CDH13: variants seen among roughly 807,000 people sequenced by gnomAD.
CDH13 encodes the protein cadherin-13.
A neutral mutation model predicts 63.8 loss-of-function variants in CDH13; 24 were observed. That is an observed-to-expected ratio of 0.38 (90% CI 0.27 to 0.53). The LOEUF (loss-of-function observed/expected upper bound fraction) is 0.53. Ranked by LOEUF, CDH13 falls within the 20% of genes least tolerant of loss-of-function variation. CDH13 has a pLI of 0.85. For missense variants in CDH13, 1,049 were observed against 903.1 expected (o/e 1.16, Z -2.07); for synonymous variants, 503 against 355.3 (o/e 1.42, Z -4.67).
intron 1 of CDH13, among the ~76,000 whole-genome samples, chr16:82,819,600 A>T (rs2037899449): frequency 6.6e-6 from 1 of 152,160 alleles, no homozygotes; most frequent in Non-Finnish European, 1.5e-5. Flanking sequence ...TGGGAGACAG[A>T]GGAAATTAAG....
At chr16:82,984,537 G>T (rs1910694383) in intron 2 of CDH13, among the ~76,000 whole-genome samples, 1 of 152,162 alleles carries the variant, frequency 6.6e-6, no homozygotes, top group Admixed American at 6.5e-5. Context: ...ATTATCAAGT[G>T]GGATAATGAT....
chr16:83,141,648 C>T (rs2036534267), intron 4 of CDH13, among the ~76,000 whole-genome samples: 1 of 152,110 alleles, frequency 6.6e-6, no homozygotes, highest in Non-Finnish European at 1.5e-5. Flanking sequence ...AGGTATTTGT[C>T]CTAATGCTCT....
At chr16:83,012,659 T>G (rs563504053) in intron 2 of CDH13, among the ~76,000 whole-genome samples, 1 of 152,320 alleles carries the variant, frequency 6.6e-6, no homozygotes, top group East Asian at 1.9e-4. Flanking sequence ...GCACCCGAAC[T>G]TGATCTAAGC....
At chr16:83,562,428 C>T (rs2075725473) in intron 7 of CDH13, among the ~76,000 whole-genome samples, 1 of 152,214 alleles carries the variant, frequency 6.6e-6, no homozygotes, top group South Asian at 2.1e-4. Context: ...GCAATTGTCT[C>T]AATCGGATTC....
At chr16:82,899,320 G>A (rs2041378446) in intron 2 of CDH13, among the ~76,000 whole-genome samples, 1 of 152,174 alleles carries the variant, frequency 6.6e-6, no homozygotes, top group African/African-American at 2.4e-5. Context: ...ATTTCTTGGT[G>A]TTTAAGAGAT....
At chr16:82,856,894 C>G (rs1026589261) in intron 1 of CDH13, among the ~76,000 whole-genome samples, 2 of 152,056 alleles carry the variant, frequency 1.3e-5, no homozygotes, top group South Asian at 4.2e-4. Context: ...TCCAAGTGAT[C>G]TCACCAGAGG....
At chr16:83,707,649 C>G (rs572528197) in intron 10 of CDH13, among the ~76,000 whole-genome samples, 1 of 151,958 alleles carries the variant, frequency 6.6e-6, no homozygotes. Context: ...CAGAGATCAG[C>G]TCTTAGATTC....
intron 3 of CDH13, among the ~76,000 whole-genome samples, chr16:83,070,867 C>G (rs972307428): frequency 3.6e-5 from 5 of 140,124 alleles, no homozygotes; most frequent in African/African-American, 5.4e-5. Context: ...CCCCCCCCCC[C>G]CAAATATCAA....
chr16:83,427,838 A>G (rs1223196882), intron 6 of CDH13, among the ~76,000 whole-genome samples: 2 of 152,186 alleles, frequency 1.3e-5, no homozygotes, highest in African/African-American at 4.8e-5. Context: ...TGTTCCCCTA[A>G]TAGTATTAAC....
intron 1 of CDH13, among the ~76,000 whole-genome samples, chr16:82,710,338 C>T (rs1483627149): frequency 1.4e-5 from 2 of 144,764 alleles, no homozygotes; most frequent in Non-Finnish European, 3.0e-5. Flanking sequence ...TCGAGACCAT[C>T]GTGGTTAACA....
At chr16:83,043,484 T>C (rs1343974764) in intron 3 of CDH13, among the ~76,000 whole-genome samples, 3 of 131,226 alleles carry the variant, frequency 2.3e-5, no homozygotes, top group Non-Finnish European at 4.8e-5. Flanking sequence ...AATAACTGTA[T>C]ATATGAGTGT....
At chr16:82,635,025 G>C (rs1291822451) in intron 1 of CDH13, among the ~76,000 whole-genome samples, 1 of 152,212 alleles carries the variant, frequency 6.6e-6, no homozygotes, top group Admixed American at 6.5e-5. Context: ...AATAATTTAA[G>C]ATGGAGACAA....
intron 1 of CDH13, among the ~76,000 whole-genome samples, chr16:82,746,281 TA>T (rs1306050911): frequency 5.1e-4 from 71 of 138,834 alleles, no homozygotes; most frequent in Non-Finnish European, 6.3e-4. Flanking sequence ...AAACACACTG[TA>T]TGTATGATGC....
chr16:83,197,736 A>G (rs1214612594), intron 4 of CDH13, among the ~76,000 whole-genome samples: 1 of 152,002 alleles, frequency 6.6e-6, no homozygotes, highest in East Asian at 1.9e-4. Context: ...GCCAATACGT[A>G]GATAAAACTG....
chr16:83,057,698 G>C (rs1231243864), intron 3 of CDH13, among the ~76,000 whole-genome samples: 1 of 151,618 alleles, frequency 6.6e-6, no homozygotes, highest in African/African-American at 2.4e-5. Flanking sequence ...CATTCCCTTT[G>C]ACCTGAGCTG....
chr16:83,625,644 A>C (rs958345459), intron 8 of CDH13, among the ~76,000 whole-genome samples: 6 of 152,166 alleles, frequency 3.9e-5, no homozygotes, highest in Admixed American at 2.0e-4. Flanking sequence ...GGCTTCGAAA[A>C]AGTGGTGGGT....
intron 1 of CDH13, among the ~76,000 whole-genome samples, chr16:82,722,539 G>A (rs1462292184): frequency 6.6e-6 from 1 of 152,164 alleles, no homozygotes; most frequent in Non-Finnish European, 1.5e-5. Flanking sequence ...GGCTACGCTA[G>A]GGTCACATGG....
At chr16:82,932,026 A>G (rs951868955) in intron 2 of CDH13, among the ~76,000 whole-genome samples, 1 of 152,118 alleles carries the variant, frequency 6.6e-6, no homozygotes, top group Non-Finnish European at 1.5e-5. Flanking sequence ...AAATTGTACG[A>G]TAGCTTGTGG....
At chr16:83,299,526 A>T (rs1390086016) in intron 5 of CDH13, among the ~76,000 whole-genome samples, 2 of 152,196 alleles carry the variant, frequency 1.3e-5, no homozygotes, top group African/African-American at 4.8e-5. Context: ...CTCACTAGAG[A>T]TCATCTTACT....
Sources: allele counts gnomAD v4.1 joint callset (sites outside exome capture counted in the v4.1 genomes callset), GRCh38; gene constraint gnomAD v4.1.1; transcripts MANE v1.5; gene names NCBI Gene and HGNC (gene_info 2026-07-23, HGNC 2026-07-21).